The following TUBGCP3 variants were observed in gnomAD, a reference collection of about 807,000 sequenced individuals.
TUBGCP3 encodes the protein gamma-tubulin complex component 3.
TUBGCP3 carries 50 observed loss-of-function variants against 123.1 expected under a neutral mutation model. The observed-to-expected ratio is 0.41, with a 90% CI of 0.32 to 0.51. TUBGCP3 has a LOEUF of 0.51. Among genes scored for constraint, TUBGCP3 ranks in the 20% least tolerant of loss-of-function variants. The pLI is 0.36. For synonymous variants in TUBGCP3, 405 were observed against 413.9 expected, an observed-to-expected ratio of 0.98 and a Z score of 0.26; for missense variants, 882 against 1,127.0, an observed-to-expected ratio of 0.78 and a Z score of 3.11.
intron 1 of TUBGCP3, among the ~76,000 whole-genome samples, chr13:112,579,394 GGGGCTCT>G (rs1882108724): frequency 1.3e-5 from 2 of 149,232 alleles, no homozygotes; most frequent in Non-Finnish European, 3.0e-5. Flanking sequence ...CGGCATCCCT[GGGGCTCT>G]CGCACACTGC....
At chr13:112,593,760 G>C in the TUBGCP3 span, among the ~76,000 whole-genome samples, 2 of 152,064 alleles carry the variant, frequency 1.3e-5, no homozygotes. Context: ...ACTAAAAGAA[G>C]TTGATTCTAG....
upstream of TUBGCP3, among the ~76,000 whole-genome samples, chr13:112,592,700 C>T (rs923026068): frequency 6.6e-6 from 1 of 152,200 alleles, no homozygotes; most frequent in African/African-American, 2.4e-5. This position sits in a 1 kb window ranked among gnomAD's most constrained non-coding sequence, Gnocchi z 4.1. Flanking sequence ...GTACCTAAGA[C>T]AGGCCTCAGC....
chr13:112,581,899 T>C (rs1882300803), intron 1 of TUBGCP3, among the ~76,000 whole-genome samples: 1 of 152,174 alleles, frequency 6.6e-6, no homozygotes, highest in South Asian at 2.1e-4. Context: ...CTCCTCACTT[T>C]CTCTGCACCT....
chr13:112,598,328 A>G, the TUBGCP3 span, among the ~76,000 whole-genome samples: 1 of 151,530 alleles, frequency 6.6e-6, no homozygotes, highest in African/African-American at 2.4e-5. Context: ...GGCAGAAGAA[A>G]AATGATACTA....
intron 6 of TUBGCP3, among the ~76,000 whole-genome samples, 156 bp downstream of exon 6, chr13:112,555,896 C>T (rs571192630): frequency 6.6e-6 from 1 of 152,186 alleles, no homozygotes; most frequent in African/African-American, 2.4e-5. Context: ...CTCCCCAAGG[C>T]GCCGCAGACC....
chr13:112,558,458 A>T (rs1490306999), intron 4 of TUBGCP3, 45 bp from the exon 5 acceptor site: 1 of 1,460,464 alleles, frequency 6.8e-7, no homozygotes, highest in Non-Finnish European at 9.2e-7. Flanking sequence ...AAATTACAGA[A>T]CAGTCTTCCC....
chr13:112,503,984 GA>G (rs1291627882), intron 19 of TUBGCP3, 47 bp downstream of exon 19: 1 of 1,559,342 alleles, frequency 6.4e-7, no homozygotes, highest in Non-Finnish European at 8.7e-7. Context: ...CCCAAGAAAA[GA>G]AGATGATTCT....
chr13:112,519,120 A>T lies in TUBGCP3; in HGVS notation c.1882-77T>A. On this transcript the variant is annotated intron_variant, in intron 15 of 21. Coordinates refer to ENST00000261965, the MANE Select transcript of TUBGCP3 (RefSeq NM_006322.6). This position sits in a 1 kb window ranked among gnomAD's most constrained non-coding sequence, Gnocchi z 6.2. The stretch of plus-strand genomic sequence containing the variant: ...GAACTTGTTAACGCAAAGAAAAAGC[A>T]GTAAAATAATGCCCAATTGTTAAAA... 8.2e-7 allele frequency: 1 copy of T among 1,213,090 alleles called. No individual in the cohort carries two copies. Among genetic ancestry groups the T allele is most frequent in the South Asian group, 1.2e-5 (1 of 81,830 alleles). 75.1% of individuals were successfully genotyped at this position (1,213,090 alleles called of 1,614,324 possible). A position where few individuals can be genotyped will look rare whatever the true frequency, so the allele number is the denominator to read the frequency against.
chr13:112,557,645 T>C (rs1165710511), intron 5 of TUBGCP3, among the ~76,000 whole-genome samples: 1 of 152,252 alleles, frequency 6.6e-6, no homozygotes, highest in Non-Finnish European at 1.5e-5. Flanking sequence ...TTCTCAGCTG[T>C]AAATCCTGTA....
At chr13:112,509,125 C>A (rs1414664944) in intron 17 of TUBGCP3, among the ~76,000 whole-genome samples, 7 of 152,200 alleles carry the variant, frequency 4.6e-5, no homozygotes, top group African/African-American at 1.4e-4. Context: ...CCCCACTGAC[C>A]CGAACAGCTC....
intron 20 of TUBGCP3, among the ~76,000 whole-genome samples, chr13:112,497,450 G>A (rs1227615627): frequency 6.6e-6 from 1 of 152,186 alleles, no homozygotes; most frequent in African/African-American, 2.4e-5. Flanking sequence ...AGTGGTTGAG[G>A]ACTCTCTAAG....
the TUBGCP3 span, among the ~76,000 whole-genome samples, chr13:112,595,730 TG>T: frequency 7.7e-6 from 1 of 129,364 alleles, no homozygotes; most frequent in South Asian, 2.2e-4. Context: ...AGCATATAGT[TG>T]GGCCATTTTT....
rs150058061 is a variant in TUBGCP3, at chr13:112,556,224, T to A, written c.549A>T (p.Gly183=). ...PAPAPQSLLP[G]QSNQAPGVGD... ...CTACTCCTGGAGCTTGATTAGACTG[T>A]CTAAAAAAAGAAACATGTATTATCT... The change falls in exon 6 of 22, where the codon GGA becomes GGT. Residue 183 remains glycine (G), a splice_region_variant and synonymous_variant. Transcript: ENST00000261965. 3.1e-5 allele frequency: 50 copies of A among 1,610,238 alleles called. No homozygotes were observed. Among genetic ancestry groups the A allele is most frequent in the Non-Finnish European group, 4.0e-5 (47 of 1,177,290 alleles).
At chr13:112,530,037 G>A (rs1424481322) in intron 11 of TUBGCP3, among the ~76,000 whole-genome samples, 2 of 152,154 alleles carry the variant, frequency 1.3e-5, no homozygotes, top group African/African-American at 4.8e-5. Context: ...TAAGGCACAG[G>A]GTTACTAACA....
At chr13:112,496,454 G>C (rs1005419380) in intron 20 of TUBGCP3, among the ~76,000 whole-genome samples, 1 of 152,226 alleles carries the variant, frequency 6.6e-6, no homozygotes, top group Non-Finnish European at 1.5e-5. Context: ...ACTTTCAGGG[G>C]ACCTCAGGTC....
At position 112,507,746 on chromosome 13, in the gene TUBGCP3, C is replaced by T. The variant is rs9577376; in HGVS notation, c.2087-3032G>A. 6.6e-5 allele frequency among the ~76,000 whole-genome samples: 10 copies of T among 152,288 alleles called. No homozygotes were observed. The East Asian group carries it at 1.7e-3, about 26-fold the overall frequency. On this transcript the variant is annotated intron_variant, in intron 17 of 21. Transcript: ENST00000261965. ...GCCGATTTTTCATGGCACGAATATG[C>T]TTTTGCTAACGTCTTCTACTTTTCA...
At chr13:112,522,911 T>C (rs1594139735) in intron 13 of TUBGCP3, among the ~76,000 whole-genome samples, 1 of 152,236 alleles carries the variant, frequency 6.6e-6, no homozygotes, top group East Asian at 1.9e-4. Flanking sequence ...TTGTGAATTG[T>C]ACAACTCGCA....
intron 8 of TUBGCP3, 103 bp from the exon 9 acceptor site, chr13:112,548,279 G>T: frequency 1.4e-6 from 1 of 739,282 alleles, no homozygotes; most frequent in Non-Finnish European, 2.1e-6. Flanking sequence ...CAGGTGGGGT[G>T]CTACAAGATT....
chr13:112,497,611 C>T (rs1024771621), intron 20 of TUBGCP3, among the ~76,000 whole-genome samples: 2 of 152,170 alleles, frequency 1.3e-5, no homozygotes, highest in African/African-American at 2.4e-5. Context: ...AGAAACGCAT[C>T]GTTAGGTGAT....
Sources: gnomAD v4.1 joint callset for allele counts (sites outside exome capture counted in the v4.1 genomes callset) on GRCh38, gnomAD v4.1.1 for gene constraint, Gnocchi (gnomAD v3.1) non-coding constraint, MANE v1.5 for transcripts, NCBI Gene and HGNC (gene_info 2026-07-23, HGNC 2026-07-21) for gene names.